Variants in NAV2 observed in about 807,000 individuals in gnomAD.
The protein encoded by NAV2 is helicase, APC down-regulated 1.
Under a neutral mutation model 223.2 loss-of-function variants are expected in NAV2, and 54 were observed. That is an observed-to-expected ratio of 0.24 (90% CI 0.19 to 0.30). The LOEUF is 0.30. Among genes scored for constraint, NAV2 ranks in the 10% least tolerant of loss-of-function variants. The probability of loss-of-function intolerance (pLI) is 1.00; values close to 1 mark genes in which losing one functional copy is unlikely to be tolerated. For missense variants in NAV2, 2,806 were observed against 3,147.5 expected, an observed-to-expected ratio of 0.89 and a Z score of 2.60; for synonymous variants, 1,279 against 1,239.3, an observed-to-expected ratio of 1.03 and a Z score of -0.67.
intron 1 of NAV2, among the ~76,000 whole-genome samples, chr11:19,574,786 G>C (rs752575262): frequency 6.6e-6 from 1 of 152,210 alleles, no homozygotes; most frequent in Non-Finnish European, 1.5e-5. Flanking sequence ...GTAGAAAATA[G>C]AATGGTGGAA....
intron 6 of NAV2, among the ~76,000 whole-genome samples, chr11:19,895,104 C>CTTTTTTTTTTTTTT (rs71050690): frequency 5.0e-5 from 5 of 99,208 alleles, no homozygotes; most frequent in African/African-American, 1.2e-4. Context: ...CTTTTTCTTT[C>CTTTTTTTTTTTTTT]TTTTTTTTTT....
intron 1 of NAV2, among the ~76,000 whole-genome samples, chr11:19,617,921 A>T (rs1355969450): frequency 2.0e-5 from 3 of 152,040 alleles, no homozygotes; most frequent in Non-Finnish European, 4.4e-5. Flanking sequence ...CAGAACCCAG[A>T]ACCCTCTTCC....
At position 20,100,309 on chromosome 11, in the gene NAV2, TAAC is replaced by T. The variant is rs1280554056; in HGVS notation, c.6182-623_6182-621del. 5.3e-5 allele frequency among the ~76,000 whole-genome samples: 8 copies of T among 152,304 alleles called. 1 individual carries two copies. Among genetic ancestry groups the T allele is most frequent in the African/African-American group, 1.9e-4 (8 of 41,560 alleles). On this transcript the variant is annotated intron_variant, in intron 31 of 37. Transcript: ENST00000349880. ...GTTGTTGAGGACCAAGAGTCCCAGC[TAAC>T]AACATTTCAGGCTAGGTCTGCCAGT...
intron 1 of NAV2, among the ~76,000 whole-genome samples, chr11:19,584,716 T>C (rs376070351): frequency 6.6e-6 from 1 of 152,262 alleles, no homozygotes; most frequent in African/African-American, 2.4e-5. Flanking sequence ...TCTTGAGTTC[T>C]AGTTTGATTG....
intron 1 of NAV2, among the ~76,000 whole-genome samples, chr11:19,630,856 A>G (rs2047320640): frequency 6.6e-6 from 1 of 150,604 alleles, no homozygotes; most frequent in African/African-American, 2.4e-5. Flanking sequence ...AGCCTAGGTA[A>G]CAGAGTGAGA....
chr11:19,859,863 G>A (rs567252221), intron 3 of NAV2, among the ~76,000 whole-genome samples: 1,715 of 134,686 alleles, frequency 0.013, 42 homozygotes, highest in African/African-American at 0.046. Flanking sequence ...CTGGCCGGGC[G>A]GGGGGCTGAC....
At chr11:20,052,174 C>A (rs1050954638) in intron 17 of NAV2, among the ~76,000 whole-genome samples, 1 of 152,130 alleles carries the variant, frequency 6.6e-6, no homozygotes, top group African/African-American at 2.4e-5. Context: ...AGTGCTTTCG[C>A]ATAAAATGGG....
chr11:20,009,622 G>C (rs1041718787), intron 11 of NAV2, among the ~76,000 whole-genome samples: 1 of 152,130 alleles, frequency 6.6e-6, no homozygotes, highest in Non-Finnish European at 1.5e-5. Context: ...TTTTCCAAAA[G>C]CAGTAAATGC....
intron 1 of NAV2, among the ~76,000 whole-genome samples, chr11:19,488,093 G>T (rs2042505639): frequency 6.6e-6 from 1 of 152,146 alleles, no homozygotes; most frequent in East Asian, 1.9e-4. Flanking sequence ...AATATCACAT[G>T]CTGTCACTAA....
chr11:20,090,818 G>T, intron 26 of NAV2, 47 bp from the exon 27 acceptor site: 1 of 1,592,296 alleles, frequency 6.3e-7, no homozygotes. Flanking sequence ...TGTTCAGTAG[G>T]GGACTAAAAG....
chr11:19,612,505 G>T (rs1329402617), intron 1 of NAV2, among the ~76,000 whole-genome samples: 1 of 152,180 alleles, frequency 6.6e-6, no homozygotes, highest in Non-Finnish European at 1.5e-5. Context: ...TGAATGCTTT[G>T]CTGCTTAGAA....
intron 3 of NAV2, among the ~76,000 whole-genome samples, chr11:19,859,156 T>TTTTTTTTTTTTTTTTTTTTTTTG (rs2061546044): frequency 7.2e-6 from 1 of 138,944 alleles, no homozygotes; most frequent in Non-Finnish European, 1.6e-5. Flanking sequence ...TTTTTTTTTT[T>TTTTTTTTTTTTTTTTTTTTTTTG]TTTATTGATC....
intron 1 of NAV2, among the ~76,000 whole-genome samples, chr11:19,765,428 C>A (rs1316161519): frequency 6.9e-6 from 1 of 144,454 alleles, no homozygotes; most frequent in Non-Finnish European, 1.5e-5. Flanking sequence ...CCTCTCTCCT[C>A]CTCCTCCTTC....
At position 19,892,602 on chromosome 11, in the gene NAV2, A is replaced by G. The variant is rs776084901; in HGVS notation, c.931+8A>G. 2 of 1,612,666 alleles carry G rather than the reference A, an allele frequency of 1.2e-6. No individual in the cohort carries two copies. The highest frequency in any genetic ancestry group is 2.2e-5 in the East Asian group (1 of 44,822). ...CAAGCAGCCACGAGAAAGGTGAGTC[A>G]CCTTCTTGAGGAGCCTTTTTGGTAT... On this transcript the variant is annotated splice_region_variant and intron_variant, in intron 6 of 37. Transcript: ENST00000349880.
intron 3 of NAV2, among the ~76,000 whole-genome samples, chr11:19,855,475 C>T (rs761446391): frequency 1.3e-5 from 2 of 152,144 alleles, no homozygotes; most frequent in Non-Finnish European, 2.9e-5. Flanking sequence ...GTTGACTTTT[C>T]CTATTTCAGT....
intron 19 of NAV2, among the ~76,000 whole-genome samples, chr11:20,059,159 G>A (rs913087365): frequency 6.6e-6 from 1 of 151,966 alleles, no homozygotes; most frequent in African/African-American, 2.4e-5. Flanking sequence ...CTTTGCTGGT[G>A]GAGAGGCAGG....
At chr11:19,708,096 A>G (rs1292196538), upstream of NAV2, among the ~76,000 whole-genome samples, 1 of 152,232 alleles carries the variant, frequency 6.6e-6, no homozygotes, top group Non-Finnish European at 1.5e-5. Context: ...ACCATTGGGC[A>G]TACTGATTTG....
chr11:19,552,905 G>T (rs570423102), intron 1 of NAV2, among the ~76,000 whole-genome samples: 8 of 151,970 alleles, frequency 5.3e-5, no homozygotes, highest in East Asian at 1.9e-4. Flanking sequence ...GGGGGGGAAG[G>T]GGGGGAGCTG....
intron 1 of NAV2, among the ~76,000 whole-genome samples, chr11:19,674,358 A>C (rs1296656263): frequency 6.6e-6 from 1 of 152,246 alleles, no homozygotes; most frequent in African/African-American, 2.4e-5. Flanking sequence ...TCTGGGTGCC[A>C]GCCTTTGGGC....
Sources: allele counts gnomAD v4.1 joint callset (sites outside exome capture counted in the v4.1 genomes callset), GRCh38; gene constraint gnomAD v4.1.1; transcripts MANE v1.5; gene names NCBI Gene and HGNC (gene_info 2026-07-23, HGNC 2026-07-21).